GARNL3: variants seen among roughly 807,000 people sequenced by gnomAD.
GARNL3 encodes the protein GTPase activating Rap/RanGAP domain like 3.
GARNL3 carries 63 observed loss-of-function variants against 125.0 expected under a neutral mutation model. The ratio of observed to expected loss-of-function variants is 0.50; its 90% CI spans 0.41 to 0.62. The LOEUF is 0.62. GARNL3 is among the 20% of genes least tolerant of loss of function. The probability of loss-of-function intolerance (pLI) is 0.00; values close to 1 mark genes in which losing one functional copy is unlikely to be tolerated. For missense variants in GARNL3, 994 were observed against 1,244.0 expected, an observed-to-expected ratio of 0.80 and a Z score of 3.02; for synonymous variants, 439 against 457.5, an observed-to-expected ratio of 0.96 and a Z score of 0.52.
At chr9:127,264,179 T>C, upstream of GARNL3, 1 of 465,658 alleles carries the variant, frequency 2.1e-6, no homozygotes, top group Admixed American at 3.9e-5. Context: ...TGAGTATTGC[T>C]TGAGTGCTAA....
At chr9:127,307,082 T>C (rs1223938136) in intron 2 of GARNL3, among the ~76,000 whole-genome samples, 2 of 152,184 alleles carry the variant, frequency 1.3e-5, no homozygotes, top group Non-Finnish European at 2.9e-5. Flanking sequence ...GTCCATTCTA[T>C]AGTTTTTTTG....
chr9:127,314,221 G>C (rs576509460), intron 4 of GARNL3, among the ~76,000 whole-genome samples: 75 of 152,308 alleles, frequency 4.9e-4, no homozygotes, highest in African/African-American at 1.6e-3. Flanking sequence ...ATGAGCTATA[G>C]GTCAGATGTG....
intron 20 of GARNL3, among the ~76,000 whole-genome samples, chr9:127,356,237 G>A (rs368878715): frequency 1.3e-5 from 2 of 152,206 alleles, no homozygotes; most frequent in East Asian, 3.8e-4. Context: ...GGCCTGCCAC[G>A]AGACCAGTGC....
At chr9:127,253,347 A>G (rs2063439337) in intron 2 of GARNL3, among the ~76,000 whole-genome samples, 1 of 152,168 alleles carries the variant, frequency 6.6e-6, no homozygotes, top group Non-Finnish European at 1.5e-5. Flanking sequence ...TATACAAGTG[A>G]TTTTAACTTG....
intron 20 of GARNL3, among the ~76,000 whole-genome samples, chr9:127,356,060 G>T (rs1428365802): frequency 6.6e-6 from 1 of 152,222 alleles, no homozygotes; most frequent in African/African-American, 2.4e-5. Flanking sequence ...GAGAGAACTG[G>T]GAAATATACT....
intron 14 of GARNL3, 40 bp from the exon 15 acceptor site, chr9:127,344,192 TAAC>T (rs1441920217): frequency 6.5e-6 from 9 of 1,378,622 alleles, no homozygotes; most frequent in Non-Finnish European, 9.2e-6. Flanking sequence ...AGATGAGACT[TAAC>T]AACTGTTTGT....
chr9:127,368,259 A>AT (rs1419661235), intron 22 of GARNL3, among the ~76,000 whole-genome samples: 1 of 151,360 alleles, frequency 6.6e-6, no homozygotes, highest in Admixed American at 6.6e-5. Context: ...CGTATGTCTG[A>AT]TGAGAGGACA....
At chr9:127,344,042 C>T (rs749877414) in intron 14 of GARNL3, among the ~76,000 whole-genome samples, 193 bp from the exon 15 acceptor site, 1 of 152,128 alleles carries the variant, frequency 6.6e-6, no homozygotes, top group Non-Finnish European at 1.5e-5. Context: ...GCTGGCTCTC[C>T]ACCTAGTGAC....
chr9:127,309,501 C>T lies in GARNL3; in HGVS notation c.220-2135C>T, dbSNP rs532016498. Among the ~76,000 whole-genome samples, 32 of 152,210 alleles carry T rather than the reference C, an allele frequency of 2.1e-4. 1 individual carries two copies. The South Asian group carries it at 6.0e-3, about 29-fold the overall frequency. On this transcript the variant is annotated intron_variant, in intron 2 of 27. Transcript: ENST00000373387. ...TTATAAGGTAACATAACCCTGAAAG[C>T]ATGACAGAAATACAAATAGAAAGGA...
Position 127,364,996 on chromosome 9 carries a change from TAGAG to T in GARNL3, c.2095-299_2095-296del, listed in dbSNP as rs953144663. 4 of 330,036 alleles carry T rather than the reference TAGAG, an allele frequency of 1.2e-5. No homozygotes were observed. Among genetic ancestry groups the T allele is most frequent in the African/African-American group, 6.4e-5 (3 of 46,772 alleles). The allele number at this position is 330,036 out of a possible 1,614,324, so 20.4% of individuals were successfully genotyped here. A position where few individuals can be genotyped will look rare whatever the true frequency, so the allele number is the denominator to read the frequency against. On this transcript the variant is annotated intron_variant, in intron 21 of 27. Transcript: ENST00000373387. This position sits in a 1 kb window ranked among gnomAD's most constrained non-coding sequence, Gnocchi z 4.2. ...GGCATATAAACCTGAGGCATTTCAA[TAGAG>T]AGAGGAGACATACCAAACACAGAGC...
At chr9:127,308,359 A>C (rs1230558821) in intron 2 of GARNL3, among the ~76,000 whole-genome samples, 11 of 152,170 alleles carry the variant, frequency 7.2e-5, no homozygotes, top group Non-Finnish European at 1.5e-4. Context: ...ATCAGACACA[A>C]AGAAGGGAAC....
At chr9:127,272,906 T>A (rs1464157094) in intron 1 of GARNL3, among the ~76,000 whole-genome samples, 2 of 152,228 alleles carry the variant, frequency 1.3e-5, no homozygotes, top group Non-Finnish European at 2.9e-5. Context: ...TGTAACCATT[T>A]TCTGTGATGT....
At chr9:127,369,785 G>A (rs948263546) in intron 22 of GARNL3, among the ~76,000 whole-genome samples, 3 of 152,212 alleles carry the variant, frequency 2.0e-5, no homozygotes, top group Admixed American at 6.5e-5. Context: ...GCTACAGGAA[G>A]GGTCTTTTTG....
chr9:127,316,205 G>A (rs1467262276), intron 4 of GARNL3, among the ~76,000 whole-genome samples: 1 of 152,140 alleles, frequency 6.6e-6, no homozygotes, highest in Non-Finnish European at 1.5e-5. Context: ...GGAGCCCTCT[G>A]CTGTGCCACA....
chr9:127,235,371 T>C (rs1464930821), intron 1 of GARNL3, among the ~76,000 whole-genome samples: 1 of 152,032 alleles, frequency 6.6e-6, no homozygotes, highest in African/African-American at 2.4e-5. Flanking sequence ...TTTAGCTTTG[T>C]TATTTAATGT....
intron 9 of GARNL3, 100 bp from the exon 10 acceptor site, chr9:127,335,130 G>C: frequency 1.2e-6 from 1 of 801,786 alleles, no homozygotes; most frequent in East Asian, 2.5e-5. Context: ...ATATCTTGGA[G>C]AATGTCCTGT....
At chr9:127,226,172 G>A (rs115610451) in intron 1 of GARNL3, among the ~76,000 whole-genome samples, 106 of 152,330 alleles carry the variant, frequency 7.0e-4, no homozygotes, top group African/African-American at 1.9e-3. Flanking sequence ...AACACCCCTT[G>A]AGGAGCTCCC....
intron 6 of GARNL3, among the ~76,000 whole-genome samples, chr9:127,323,668 AT>A (rs1457028221): frequency 6.6e-6 from 1 of 152,184 alleles, no homozygotes; most frequent in Non-Finnish European, 1.5e-5. Context: ...TGGGCGTGAG[AT>A]TCAGAGCTGA....
At chr9:127,334,693 A>G (rs570536063) in intron 9 of GARNL3, among the ~76,000 whole-genome samples, 154 of 152,308 alleles carry the variant, frequency 1.0e-3, no homozygotes, top group Middle Eastern at 3.4e-3. Flanking sequence ...AGTCTCCCCA[A>G]TATCCCTAGG....
Sources: gnomAD v4.1 joint callset for allele counts (sites outside exome capture counted in the v4.1 genomes callset) on GRCh38, gnomAD v4.1.1 for gene constraint, Gnocchi (gnomAD v3.1) non-coding constraint, MANE v1.5 for transcripts, NCBI Gene and HGNC (gene_info 2026-07-23, HGNC 2026-07-21) for gene names.